Variants in PCDH11X observed in about 807,000 individuals in gnomAD.
PCDH11X encodes protocadherin 11 X-linked.
Under a neutral mutation model 53.3 loss-of-function variants are expected in PCDH11X, and 18 were observed. The ratio of observed to expected loss-of-function variants is 0.34; its 90% CI spans 0.23 to 0.50. PCDH11X has a LOEUF of 0.50. Ranked by LOEUF, PCDH11X falls within the 20% of genes least tolerant of loss-of-function variation. The pLI, the probability that PCDH11X is intolerant of heterozygous loss-of-function variation, is 0.98. For missense variants in PCDH11X, 570 were observed against 1,032.4 expected, an observed-to-expected ratio of 0.55 and a Z score of 6.14; for synonymous variants, 279 against 393.3, an observed-to-expected ratio of 0.71 and a Z score of 3.44.
chrX:92,351,357 T>C (rs1484358470), intron 8 of PCDH11X, among the ~76,000 whole-genome samples: 2 of 111,674 alleles, frequency 1.8e-5, no homozygotes, highest in African/African-American at 3.3e-5. Flanking sequence ...TGACGTCTTT[T>C]AATTTCATGT....
At chrX:92,608,687 A>C (rs1199485282) in intron 10 of PCDH11X, among the ~76,000 whole-genome samples, 1 of 110,342 alleles carries the variant, frequency 9.1e-6, no homozygotes, top group Non-Finnish European at 1.9e-5. Context: ...TCTGAATTGA[A>C]TAAAGGAGGC....
intron 7 of PCDH11X, among the ~76,000 whole-genome samples, chrX:92,260,848 C>T (rs1295756361): frequency 2.7e-5 from 3 of 111,648 alleles, no homozygotes; most frequent in African/African-American, 9.8e-5. Flanking sequence ...TAAGAACATA[C>T]GACACAACAT....
intron 8 of PCDH11X, among the ~76,000 whole-genome samples, chrX:92,369,337 C>T (rs2070555965): frequency 1.8e-5 from 2 of 110,902 alleles, no homozygotes; most frequent in Admixed American, 1.9e-4. Context: ...CTTATAAAGC[C>T]TCAGTAATGG....
intron 6 of PCDH11X, among the ~76,000 whole-genome samples, chrX:91,904,003 G>A (rs1273968101): frequency 9.1e-6 from 1 of 109,541 alleles, no homozygotes; most frequent in Non-Finnish European, 1.9e-5. Context: ...AATCAGGAGT[G>A]TAAGTTTTGT....
chrX:92,544,553 C>A (rs1443352158), intron 10 of PCDH11X, among the ~76,000 whole-genome samples: 1 of 107,939 alleles, frequency 9.3e-6, no homozygotes, highest in Non-Finnish European at 1.9e-5. Context: ...GATTATTTTG[C>A]TTTTGTTTTA....
At chrX:92,320,667 C>T (rs1461903725) in intron 8 of PCDH11X, among the ~76,000 whole-genome samples, 1 of 110,850 alleles carries the variant, frequency 9.0e-6, no homozygotes, top group Non-Finnish European at 1.9e-5. Context: ...AATTAAAGAA[C>T]CCACACAATT....
intron 6 of PCDH11X, among the ~76,000 whole-genome samples, chrX:91,902,243 C>T (rs937401486): frequency 3.6e-5 from 4 of 110,367 alleles, no homozygotes; most frequent in African/African-American, 1.3e-4. Context: ...CTCTTCAAAA[C>T]ATCTTAATCT....
At chrX:92,254,800 T>C (rs183126489) in intron 7 of PCDH11X, among the ~76,000 whole-genome samples, 4,936 of 109,793 alleles carry the variant, frequency 0.045, 255 homozygotes, top group East Asian at 0.19. Flanking sequence ...GGGTTTCTGC[T>C]GAGAGATCCA....
chrX:92,276,352 A>G (rs979045976), intron 8 of PCDH11X, among the ~76,000 whole-genome samples: 12 of 107,873 alleles, frequency 1.1e-4, no homozygotes, highest in African/African-American at 3.7e-4. Flanking sequence ...GCCAAGAAGG[A>G]GTCAGTCAGA....
intron 8 of PCDH11X, among the ~76,000 whole-genome samples, chrX:92,274,717 G>A (rs1036297288): frequency 5.4e-5 from 6 of 110,647 alleles, no homozygotes; most frequent in African/African-American, 9.9e-5. Context: ...AGATTTCCAC[G>A]ATGGAAAGGA....
chrX:92,284,052 T>C (rs760384115), intron 8 of PCDH11X, among the ~76,000 whole-genome samples: 53 of 107,610 alleles, frequency 4.9e-4, no homozygotes, highest in South Asian at 2.1e-3. Context: ...TATAAACTGA[T>C]TGTTATAGCT....
At chrX:92,553,710 A>T (rs2075001000) in intron 10 of PCDH11X, among the ~76,000 whole-genome samples, 1 of 108,417 alleles carries the variant, frequency 9.2e-6, no homozygotes, top group Non-Finnish European at 1.9e-5. Context: ...ATAGCTATAA[A>T]CTTTCTTCTT....
chrX:92,295,382 T>G (rs911739183), intron 8 of PCDH11X, among the ~76,000 whole-genome samples: 1 of 110,988 alleles, frequency 9.0e-6, no homozygotes, highest in African/African-American at 3.3e-5. Context: ...TTCTAATAAT[T>G]TTCGTAGATT....
At position 91,907,401 on chromosome X, in the gene PCDH11X, A is replaced by C. The variant is rs186361206; in HGVS notation, c.3033+28128A>C. 6.1e-4 allele frequency among the ~76,000 whole-genome samples: 35 copies of C among 57,219 alleles called. No individual in the cohort carries two copies. In the East Asian group the frequency reaches 8.4e-3, roughly 14 times the overall value. 49.7% of individuals were successfully genotyped at this position (57,219 alleles called of 115,157 possible). On this transcript the variant is annotated intron_variant, in intron 6 of 10. Transcript: ENST00000682573. Reference sequence around the variant, plus strand: ...CACACACACACACACACACACACACACACACACACACAGAGAGAGAGAGAG... The same window carrying C: ...CACACACACACACACACACACACACCCACACACACACAGAGAGAGAGAGAG...
intron 8 of PCDH11X, among the ~76,000 whole-genome samples, chrX:92,352,054 A>C (rs1327269323): frequency 1.8e-5 from 2 of 112,044 alleles, no homozygotes; most frequent in Admixed American, 9.5e-5. Context: ...TACAACTGAA[A>C]TGATAATTTT....
intron 6 of PCDH11X, among the ~76,000 whole-genome samples, chrX:92,162,318 A>C: frequency 9.3e-6 from 1 of 107,665 alleles, no homozygotes; most frequent in East Asian, 3.0e-4. Context: ...CAGCTTCCTG[A>C]GTAGCTGGGA....
intron 6 of PCDH11X, among the ~76,000 whole-genome samples, chrX:91,898,737 A>G (rs1440775933): frequency 9.6e-6 from 1 of 104,214 alleles, no homozygotes; most frequent in Non-Finnish European, 2.0e-5. Context: ...TTACTATGTG[A>G]CAACACTGTA....
At chrX:91,973,499 C>CA (rs1269534366) in intron 6 of PCDH11X, among the ~76,000 whole-genome samples, 2 of 106,031 alleles carry the variant, frequency 1.9e-5, no homozygotes, top group Non-Finnish European at 3.9e-5. Flanking sequence ...TAAGTGTTCT[C>CA]ACCACACAAA....
chrX:92,325,807 T>G (rs1314740757), intron 8 of PCDH11X, among the ~76,000 whole-genome samples: 1 of 110,312 alleles, frequency 9.1e-6, no homozygotes, highest in East Asian at 2.9e-4. Flanking sequence ...TATGTTAGTT[T>G]CATCCATTGT....
Sources: gnomAD v4.1 joint callset for allele counts (sites outside exome capture counted in the v4.1 genomes callset) on GRCh38, gnomAD v4.1.1 for gene constraint, MANE v1.5 for transcripts, NCBI Gene and HGNC (gene_info 2026-07-23, HGNC 2026-07-21) for gene names.